The following CDK17 variants were observed in gnomAD, a reference collection of about 807,000 sequenced individuals.
CDK17 encodes cyclin dependent kinase 17, also known as cyclin-dependent kinase 17.
Under a neutral mutation model 77.6 loss-of-function variants are expected in CDK17, and 24 were observed. That is an observed-to-expected ratio of 0.31 (90% CI 0.22 to 0.44). The LOEUF (loss-of-function observed/expected upper bound fraction) is 0.44, where lower values mean the gene tolerates loss of function less well. Ranked by LOEUF, CDK17 falls within the 20% of genes least tolerant of loss-of-function variation. The pLI, the probability that CDK17 is intolerant of heterozygous loss-of-function variation, is 1.00. For missense variants in CDK17, 429 were observed against 622.5 expected (o/e 0.69, Z 3.31); for synonymous variants, 203 against 210.4 (o/e 0.96, Z 0.30).
chr12:96,372,278 A>G (rs960291519), intron 1 of CDK17, among the ~76,000 whole-genome samples: 2 of 152,230 alleles, frequency 1.3e-5, no homozygotes, highest in South Asian at 2.1e-4. Flanking sequence ...GGGGAAGAAG[A>G]GCTGTGAAGG....
chr12:96,315,267 T>C (rs968464606), intron 3 of CDK17, among the ~76,000 whole-genome samples: 6 of 152,218 alleles, frequency 3.9e-5, no homozygotes, highest in African/African-American at 1.4e-4. Context: ...GGGTCTTATA[T>C]CAACTCTATC....
At chr12:96,326,543 C>T (rs1056173868) in intron 2 of CDK17, among the ~76,000 whole-genome samples, 1 of 152,098 alleles carries the variant, frequency 6.6e-6, no homozygotes, top group African/African-American at 2.4e-5. Flanking sequence ...AATGAAAAGC[C>T]GACATATGGC....
At chr12:96,375,866 C>T (rs1953772780) in intron 1 of CDK17, among the ~76,000 whole-genome samples, 1 of 152,174 alleles carries the variant, frequency 6.6e-6, no homozygotes, top group African/African-American at 2.4e-5. Context: ...ACCTATCCAA[C>T]TGCCTACTTG....
intron 1 of CDK17, among the ~76,000 whole-genome samples, chr12:96,356,777 G>A (rs1953400688): frequency 6.6e-6 from 1 of 152,094 alleles, no homozygotes; most frequent in Admixed American, 6.5e-5. Flanking sequence ...TAATCCCCCA[G>A]ATCCCTCTGA....
chr12:96,359,954 G>A (rs1302332525), intron 1 of CDK17, among the ~76,000 whole-genome samples: 1 of 151,792 alleles, frequency 6.6e-6, no homozygotes, highest in Non-Finnish European at 1.5e-5. Flanking sequence ...CACTATAAAG[G>A]AAATAAAGCA....
chr12:96,289,298 A>T lies in CDK17; in HGVS notation c.998-11T>A, dbSNP rs773200145. On this transcript the variant is annotated splice_polypyrimidine_tract_variant and intron_variant, in intron 10 of 16. Transcript: ENST00000261211. The stretch of plus-strand genomic sequence containing the variant: ...TGGCTCGGGCTAGTCCTTCATAGGG[A>T]AAATAAAACAAAGGGTTAAGAAAAA... 1 of 1,613,466 alleles carries T rather than the reference A, an allele frequency of 6.2e-7. No homozygotes were observed. The highest frequency in any genetic ancestry group is 1.7e-5 in the Admixed American group (1 of 59,996).
intron 1 of CDK17, among the ~76,000 whole-genome samples, chr12:96,383,848 T>C (rs996857051): frequency 6.6e-6 from 1 of 152,140 alleles, no homozygotes; most frequent in Non-Finnish European, 1.5e-5. Context: ...GACATCAGCA[T>C]TGGCAAAGAA....
chr12:96,304,526 ACT>A (rs887196023), intron 5 of CDK17, among the ~76,000 whole-genome samples: 14 of 133,842 alleles, frequency 1.0e-4, no homozygotes, highest in Non-Finnish European at 1.9e-4. Context: ...ACAGAGCAAG[ACT>A]CTGTCTCAAA....
At chr12:96,392,237 G>T (rs1421218356) in intron 1 of CDK17, among the ~76,000 whole-genome samples, 3 of 152,150 alleles carry the variant, frequency 2.0e-5, no homozygotes, top group Non-Finnish European at 4.4e-5. Context: ...TTAAAAATGA[G>T]AATTTCTCTA....
intron 1 of CDK17, among the ~76,000 whole-genome samples, chr12:96,383,906 C>T (rs1291090596): frequency 6.6e-6 from 1 of 152,046 alleles, no homozygotes; most frequent in African/African-American, 2.4e-5. Flanking sequence ...CAAAAATTGA[C>T]AAGCAGGACG....
At chr12:96,313,557 G>T in intron 3 of CDK17, 103 bp from the exon 4 acceptor site, 1 of 598,530 alleles carries the variant, frequency 1.7e-6, no homozygotes, top group South Asian at 4.5e-5. Flanking sequence ...AAAAATCACA[G>T]CATAAAAAGT....
intron 1 of CDK17, among the ~76,000 whole-genome samples, chr12:96,372,308 A>G (rs1204786927): frequency 1.3e-5 from 2 of 152,134 alleles, no homozygotes; most frequent in Non-Finnish European, 2.9e-5. Context: ...TCCCTCTTAT[A>G]TGGCCAGTTA....
intron 3 of CDK17, among the ~76,000 whole-genome samples, chr12:96,322,094 T>C (rs984207225): frequency 2.6e-5 from 4 of 152,178 alleles, no homozygotes; most frequent in Admixed American, 2.0e-4. Context: ...ATTACTCACG[T>C]CATTAACAAA....
intron 6 of CDK17, 91 bp from the exon 7 acceptor site, chr12:96,299,074 AGT>A (rs1952457673): frequency 1.6e-6 from 1 of 623,516 alleles, no homozygotes. Context: ...CTGAATTTCT[AGT>A]TTCTAAGCAT....
rs1047586476 is a variant in CDK17 at position 96,279,936 on chromosome 12, G to A, written c.*306C>T. On this transcript the variant is annotated 3_prime_UTR_variant, in exon 17 of 17. Coordinates refer to ENST00000261211, the MANE Select transcript of CDK17 (RefSeq NM_002595.5). ...GTAGTTATTTAGCAGCAATGATTCCGCAATAAATAATGCACTGTGTTTCTC... is the reference window on the plus strand; with the variant it reads ...GTAGTTATTTAGCAGCAATGATTCCACAATAAATAATGCACTGTGTTTCTC... 5.6e-5 allele frequency: 15 copies of A among 266,614 alleles called. No individual in the cohort carries two copies. Among genetic ancestry groups the A allele is most frequent in the South Asian group, 1.6e-4 (1 of 6,076 alleles). The allele number at this position is 266,614 out of a possible 1,614,324, so 16.5% of individuals were successfully genotyped here. A position where few individuals can be genotyped will look rare whatever the true frequency, so the allele number is the denominator to read the frequency against.
chr12:96,289,436 G>A (rs1292726135), intron 10 of CDK17, 149 bp from the exon 11 acceptor site: 3 of 784,834 alleles, frequency 3.8e-6, no homozygotes, highest in South Asian at 1.8e-5. Context: ...TTATGAATTC[G>A]TTGAGTGCAT....
In CDK17 at chr12:96,279,951, CTG is replaced by C. The variant is rs948376575; in HGVS notation, c.*289_*290del. The C allele has an allele frequency of 1.3e-5, 4 of 306,186 alleles. No individual in the cohort carries two copies. Among genetic ancestry groups the C allele is most frequent in the African/African-American group, 2.2e-5 (1 of 46,396 alleles). The allele number at this position is 306,186 out of a possible 1,614,324, so 19.0% of individuals were successfully genotyped here. A position where few individuals can be genotyped will look rare whatever the true frequency, so the allele number is the denominator to read the frequency against. On this transcript the variant is annotated 3_prime_UTR_variant, in exon 17 of 17. Coordinates refer to ENST00000261211, the MANE Select transcript of CDK17 (RefSeq NM_002595.5). ...CAATGATTCCGCAATAAATAATGCA[CTG>C]TGTTTCTCAGTCCTGCACAAAAATT...
chr12:96,335,070 G>C (rs772507626), intron 1 of CDK17: 6 of 619,416 alleles, frequency 9.7e-6, no homozygotes, highest in South Asian at 9.2e-5. Context: ...CATCAGAAGA[G>C]CAGGAATTCC....
chr12:96,316,103 C>T (rs1469222939), intron 3 of CDK17, among the ~76,000 whole-genome samples: 4 of 152,088 alleles, frequency 2.6e-5, no homozygotes, highest in Non-Finnish European at 5.9e-5. Context: ...GTGTGCGCAC[C>T]GTGCACTAGC....
Sources: gnomAD v4.1 joint callset for allele counts (sites outside exome capture counted in the v4.1 genomes callset) on GRCh38, gnomAD v4.1.1 for gene constraint, MANE v1.5 for transcripts, NCBI Gene and HGNC (gene_info 2026-07-23, HGNC 2026-07-21) for gene names.